ITGB5: variants seen among roughly 807,000 people sequenced by gnomAD.
ITGB5 encodes the protein integrin beta-5.
Under a neutral mutation model 84.8 loss-of-function variants are expected in ITGB5, and 38 were observed. The ratio of observed to expected loss-of-function variants is 0.45; its 90% CI spans 0.35 to 0.59. The LOEUF is 0.59. ITGB5 is among the 20% of genes least tolerant of loss of function. ITGB5 has a pLI of 0.01. For missense variants in ITGB5, 905 were observed against 1,034.5 expected, an observed-to-expected ratio of 0.87 and a Z score of 1.72; for synonymous variants, 393 against 414.4, an observed-to-expected ratio of 0.95 and a Z score of 0.63.
chr3:124,795,599 G>C (rs2064211150), intron 10 of ITGB5, among the ~76,000 whole-genome samples: 1 of 152,182 alleles, frequency 6.6e-6, no homozygotes, highest in South Asian at 2.1e-4. Flanking sequence ...GAAAGGGACT[G>C]TGCAGATGTG....
chr3:124,875,796 C>T (rs1934283121), intron 1 of ITGB5, among the ~76,000 whole-genome samples: 2 of 152,158 alleles, frequency 1.3e-5, no homozygotes, highest in African/African-American at 4.8e-5. Flanking sequence ...AAGTGGTATA[C>T]ACATACAATG....
intron 2 of ITGB5, chr3:124,862,154 C>T (rs1285930849): frequency 6.6e-6 from 1 of 152,310 alleles, no homozygotes; most frequent in African/African-American, 2.4e-5. Flanking sequence ...TATCCAGCCC[C>T]TCTGCTTCTG....
intron 4 of ITGB5, among the ~76,000 whole-genome samples, chr3:124,845,539 G>C (rs2065065818): frequency 6.6e-6 from 1 of 152,238 alleles, no homozygotes; most frequent in South Asian, 2.1e-4. Flanking sequence ...TGCCTTACAA[G>C]TAGCTTTTCA....
chr3:124,865,425 AG>A (rs144063130), intron 2 of ITGB5, among the ~76,000 whole-genome samples: 3,502 of 151,006 alleles, frequency 0.023, 131 homozygotes, highest in African/African-American at 0.081. Context: ...AACTCTCCAA[AG>A]GGGAAAAGCA....
At chr3:124,812,900 C>T (rs543220606) in intron 8 of ITGB5, among the ~76,000 whole-genome samples, 1 of 152,304 alleles carries the variant, frequency 6.6e-6, no homozygotes, top group South Asian at 2.1e-4. Context: ...AGAATGTCCC[C>T]ACAGATGGTC....
chr3:124,814,702 T>G (rs887290122), intron 8 of ITGB5, among the ~76,000 whole-genome samples: 1 of 152,094 alleles, frequency 6.6e-6, no homozygotes. Context: ...CAGCTTAGCC[T>G]CCCAAAGCAC....
chr3:124,803,728 C>T (rs1239899996), intron 9 of ITGB5, among the ~76,000 whole-genome samples: 4 of 152,186 alleles, frequency 2.6e-5, no homozygotes, highest in East Asian at 1.9e-4. Context: ...GGCACTCTCC[C>T]GTGGAGGCTC....
chr3:124,888,106 G>A (rs1038266215), upstream of ITGB5, among the ~76,000 whole-genome samples: 1 of 151,772 alleles, frequency 6.6e-6, no homozygotes, highest in Non-Finnish European at 1.5e-5. Flanking sequence ...TGTAGAGATG[G>A]GGGTCTCGCT....
chr3:124,818,212 C>T (rs61760579), intron 7 of ITGB5, among the ~76,000 whole-genome samples: 1,977 of 152,300 alleles, frequency 0.013, 22 homozygotes, highest in South Asian at 0.038. Context: ...CGCCCTCCCA[C>T]GGACCTCTGA....
chr3:124,831,780 C>A (rs577619038), intron 5 of ITGB5, among the ~76,000 whole-genome samples: 1 of 152,278 alleles, frequency 6.6e-6, no homozygotes, highest in East Asian at 1.9e-4. Context: ...CCCAGGGGCC[C>A]CAGTTATCAC....
chr3:124,819,788 T>C lies in ITGB5; in HGVS notation c.989A>G (p.Asn330Ser). The C allele has an allele frequency of 6.2e-7, 1 of 1,614,126 alleles. No individual in the cohort carries two copies. The highest frequency in any genetic ancestry group is 8.5e-7 in the Non-Finnish European group (1 of 1,179,978). Residue 330 changes from asparagine to serine, a missense_variant, in exon 7 of 15, where the codon AAC becomes AGC. Around this residue, in one of 3 missense-constraint regions of ITGB5, gnomAD observed 656 missense variants for 734.7 expected, o/e 0.89. Transcript: ENST00000296181. ...TGTCACTGCAAAGATGAGGTTGATG[T>C]TGTTCTCTGCCAATTTCTCTCCAAG... is the stretch of plus-strand genomic sequence containing the variant. ...ALLGEKLAEN[N>S]INLIFAVTKN...
chr3:124,783,747 TTC>T (rs921606795), intron 10 of ITGB5, among the ~76,000 whole-genome samples: 1 of 152,224 alleles, frequency 6.6e-6, no homozygotes, highest in Non-Finnish European at 1.5e-5. Flanking sequence ...CAATTAAGAA[TTC>T]TCTTTTCTCT....
At chr3:124,896,968 T>C (rs552422504) in intron 1 of ITGB5, among the ~76,000 whole-genome samples, 17 of 150,374 alleles carry the variant, frequency 1.1e-4, no homozygotes, top group Non-Finnish European at 2.2e-4. Flanking sequence ...ATATACCAGG[T>C]ATATTTGAAA....
chr3:124,820,197 A>T (rs550364099), intron 6 of ITGB5, among the ~76,000 whole-genome samples: 12 of 152,266 alleles, frequency 7.9e-5, no homozygotes, highest in African/African-American at 2.2e-4. Context: ...ACCCTCTGTC[A>T]TCAGTGCCTC....
At chr3:124,811,089 T>C (rs2064494227) in intron 8 of ITGB5, among the ~76,000 whole-genome samples, 1 of 152,200 alleles carries the variant, frequency 6.6e-6, no homozygotes, top group African/African-American at 2.4e-5. Context: ...AAAAATATGA[T>C]CCGTCTTAAA....
chr3:124,794,253 A>C (rs1040642154), intron 10 of ITGB5, among the ~76,000 whole-genome samples: 1 of 152,184 alleles, frequency 6.6e-6, no homozygotes, highest in Admixed American at 6.5e-5. Context: ...TACAATTTTG[A>C]AGCATTTAAT....
In ITGB5 at chr3:124,816,804, A is replaced by G. The variant is rs1383657482; in HGVS notation, c.1128+817T>C. ...CTAAACCACCTCTATAAGAACTTAC[A>G]CTTATTATATTAGGGCCAATTTCAC... is the stretch of plus-strand genomic sequence containing the variant. On this transcript the variant is annotated intron_variant, in intron 8 of 14. Coordinates refer to ENST00000296181, the MANE Select transcript of ITGB5 (RefSeq NM_002213.5). Among the ~76,000 whole-genome samples, 6 of 152,232 alleles carry G rather than the reference A, an allele frequency of 3.9e-5. No individual in the cohort carries two copies. In the East Asian group the frequency reaches 7.7e-4, roughly 20 times the overall value.
At chr3:124,863,396 C>T (rs983745695) in intron 2 of ITGB5, 1 of 152,178 alleles carries the variant, frequency 6.6e-6, no homozygotes, top group Admixed American at 6.6e-5. Flanking sequence ...TAAGCCATAA[C>T]TGATTTGTAG....
At chr3:124,856,949 A>G (rs1423129845) in intron 3 of ITGB5, among the ~76,000 whole-genome samples, 1 of 152,172 alleles carries the variant, frequency 6.6e-6, no homozygotes, top group Non-Finnish European at 1.5e-5. Context: ...ATCTCACTAA[A>G]CAAAAAGGCT....
Sources: gnomAD v4.1 joint callset for allele counts (sites outside exome capture counted in the v4.1 genomes callset) on GRCh38, gnomAD v4.1.1 for gene constraint, gnomAD v4.1.1 regional missense constraint, MANE v1.5 for transcripts, NCBI Gene and HGNC (gene_info 2026-07-23, HGNC 2026-07-21) for gene names.